The following ARSB variants were observed in gnomAD, a reference collection of about 807,000 sequenced individuals.
The protein encoded by ARSB is arylsulfatase B, also known as N-acetylgalactosamine-4-sulfatase.
ARSB carries 41 observed loss-of-function variants against 50.9 expected under a neutral mutation model. The observed-to-expected ratio is 0.81, with a 90% CI of 0.63 to 1.04. The LOEUF (loss-of-function observed/expected upper bound fraction) is 1.04. ARSB is among the 50% of genes least tolerant of loss of function. ARSB has a pLI of 0.00. For synonymous variants in ARSB, 269 were observed against 284.8 expected (o/e 0.94, Z 0.56); for missense variants, 672 against 693.3 (o/e 0.97, Z 0.35).
chr5:78,922,871 C>G (rs1477771962), intron 4 of ARSB, among the ~76,000 whole-genome samples: 3 of 151,962 alleles, frequency 2.0e-5, no homozygotes, highest in Non-Finnish European at 4.4e-5. Context: ...ATCCTCCCGC[C>G]TCGGCCTCCC....
chr5:78,841,171 A>ACTACTACTACTACTACTACTAC (rs1554074366), intron 5 of ARSB, among the ~76,000 whole-genome samples: 10 of 62,050 alleles, frequency 1.6e-4, no homozygotes, highest in East Asian at 1.0e-3. Flanking sequence ...ACTACTACTA[A>ACTACTACTACTACTACTACTAC]TAATAATAAT....
chr5:78,800,411 C>G (rs542442014), intron 6 of ARSB, among the ~76,000 whole-genome samples: 5 of 152,062 alleles, frequency 3.3e-5, no homozygotes, highest in Non-Finnish European at 4.4e-5. Context: ...CCCTCTCCAC[C>G]ATGCATTTTA....
At position 78,777,522 on chromosome 5, in the gene ARSB, A is replaced by C. The variant is rs1470677436; in HGVS notation, c.*2875T>G. The C allele has an allele frequency of 6.6e-6, 1 of 152,528 alleles. No homozygotes were observed. The highest frequency in any genetic ancestry group is 1.5e-5 in the Non-Finnish European group (1 of 68,024). The allele number at this position is 152,528 out of a possible 1,614,324, so 9.4% of individuals were successfully genotyped here. A position where few individuals can be genotyped will look rare whatever the true frequency, so the allele number is the denominator to read the frequency against. Reference sequence around the variant, plus strand: ...GGGGGGACAAAAGTAACAAAGAAAAATGAGCTCACAATTAAATAAGCAAAA... The same window carrying C: ...GGGGGGACAAAAGTAACAAAGAAAACTGAGCTCACAATTAAATAAGCAAAA... On this transcript the variant is annotated 3_prime_UTR_variant, in exon 8 of 8. Transcript: ENST00000264914.
At chr5:78,957,855 T>C (rs1404790999) in intron 3 of ARSB, among the ~76,000 whole-genome samples, 15 of 151,860 alleles carry the variant, frequency 9.9e-5, no homozygotes, top group Admixed American at 9.9e-4. Context: ...GGTACTGCTA[T>C]CTGGGTCTTC....
chr5:78,885,361 G>A (rs1450410952), intron 5 of ARSB: 1 of 666,988 alleles, frequency 1.5e-6, no homozygotes, highest in Non-Finnish European at 2.3e-6. Context: ...GATGGGCTGA[G>A]GACAATCTTG....
At chr5:78,820,095 G>A (rs756645931) in intron 6 of ARSB, among the ~76,000 whole-genome samples, 13 of 152,106 alleles carry the variant, frequency 8.5e-5, no homozygotes, top group African/African-American at 1.7e-4. Context: ...CTTCTGCCAC[G>A]TGAGGACTCA....
chr5:78,926,767 T>C (rs1383824432), intron 4 of ARSB, among the ~76,000 whole-genome samples: 1 of 152,190 alleles, frequency 6.6e-6, no homozygotes, highest in East Asian at 1.9e-4. Context: ...TATGAATTAC[T>C]GCAATTATGA....
chr5:78,869,198 C>T (rs868048611), intron 5 of ARSB, among the ~76,000 whole-genome samples: 3,147 of 114,702 alleles, frequency 0.027, 196 homozygotes, highest in African/African-American at 0.11. Flanking sequence ...ACTTAGACTC[C>T]CACACATTAA....
intron 6 of ARSB, among the ~76,000 whole-genome samples, chr5:78,804,212 T>C (rs1475267538): frequency 7.3e-6 from 1 of 136,452 alleles, no homozygotes; most frequent in African/African-American, 2.8e-5. Context: ...AAATGTGGAA[T>C]GAAAAAAAAA....
intron 5 of ARSB, among the ~76,000 whole-genome samples, chr5:78,868,280 G>A (rs1333960882): frequency 3.2e-5 from 4 of 124,446 alleles, no homozygotes; most frequent in African/African-American, 1.3e-4. Flanking sequence ...TAGCAAGGCA[G>A]GCCAACGTTC....
intron 2 of ARSB, among the ~76,000 whole-genome samples, chr5:78,965,490 G>A (rs1430690760): frequency 6.6e-6 from 1 of 152,150 alleles, no homozygotes; most frequent in African/African-American, 2.4e-5. Flanking sequence ...GGGAGTGATT[G>A]CTGAGGTGGA....
chr5:78,873,498 A>ATGTTTTTTTTT (rs1554078141), intron 5 of ARSB, among the ~76,000 whole-genome samples: 1 of 93,214 alleles, frequency 1.1e-5, no homozygotes, highest in Non-Finnish European at 2.1e-5. Flanking sequence ...TAAAACTGTA[A>ATGTTTTTTTTT]TTTTTTTTTT....
At chr5:78,922,814 G>C (rs1259729313) in intron 4 of ARSB, among the ~76,000 whole-genome samples, 3 of 151,986 alleles carry the variant, frequency 2.0e-5, no homozygotes, top group African/African-American at 7.2e-5. Flanking sequence ...GGCAGTGACG[G>C]GGTTTCACCA....
chr5:78,912,902 T>C (rs1749370489), intron 4 of ARSB, among the ~76,000 whole-genome samples: 1 of 152,166 alleles, frequency 6.6e-6, no homozygotes, highest in Non-Finnish European at 1.5e-5. Context: ...ATTCAAGGCA[T>C]TAGAAAGAAA....
At chr5:78,862,669 A>T (rs1289904405) in intron 5 of ARSB, among the ~76,000 whole-genome samples, 2 of 152,240 alleles carry the variant, frequency 1.3e-5, no homozygotes, top group Non-Finnish European at 2.9e-5. Context: ...AAACCTAGGC[A>T]TTACCATTCA....
chr5:78,813,274 G>A (rs1314763959), intron 6 of ARSB, among the ~76,000 whole-genome samples: 5 of 152,030 alleles, frequency 3.3e-5, no homozygotes, highest in African/African-American at 1.2e-4. Flanking sequence ...ATGTTGGCCA[G>A]GCTAGTCTTG....
chr5:78,811,533 C>T (rs1186636569), intron 6 of ARSB, among the ~76,000 whole-genome samples: 1 of 152,162 alleles, frequency 6.6e-6, no homozygotes, highest in Admixed American at 6.5e-5. Flanking sequence ...TAAAAGAATA[C>T]AATTTTTTTT....
intron 4 of ARSB, among the ~76,000 whole-genome samples, chr5:78,933,693 T>TTCAA (rs146992839): frequency 0.012 from 1,844 of 152,186 alleles, 31 homozygotes; most frequent in African/African-American, 0.042. Context: ...ACTAAAAAAT[T>TTCAA]TCAATCATTC....
chr5:78,805,839 G>A (rs375174040), intron 6 of ARSB, among the ~76,000 whole-genome samples: 11 of 152,282 alleles, frequency 7.2e-5, no homozygotes, highest in East Asian at 5.8e-4. Flanking sequence ...TCGCGGTGCC[G>A]AACCCCAGGC....
Sources: gnomAD v4.1 joint callset for allele counts (sites outside exome capture counted in the v4.1 genomes callset) on GRCh38, gnomAD v4.1.1 for gene constraint, MANE v1.5 for transcripts, NCBI Gene and HGNC (gene_info 2026-07-23, HGNC 2026-07-21) for gene names.